NBEAL1: variants seen among roughly 807,000 people sequenced by gnomAD.
The protein encoded by NBEAL1 is neurobeachin-like protein 1.
NBEAL1 carries 273 observed loss-of-function variants against 351.3 expected under a neutral mutation model. The observed-to-expected ratio is 0.78, with a 90% CI of 0.70 to 0.86. The LOEUF (loss-of-function observed/expected upper bound fraction) is 0.86. Ranked by LOEUF, NBEAL1 falls within the 40% of genes least tolerant of loss-of-function variation. NBEAL1 has a pLI of 0.00. For synonymous variants in NBEAL1, 1,050 were observed against 1,086.4 expected, an observed-to-expected ratio of 0.97 and a Z score of 0.66; for missense variants, 2,961 against 3,201.3, an observed-to-expected ratio of 0.92 and a Z score of 1.81.
intron 7 of NBEAL1, chr2:203,074,743 AC>A (rs954736822): frequency 5.9e-6 from 1 of 170,054 alleles, no homozygotes; most frequent in African/African-American, 2.4e-5. Flanking sequence ...AGGCAGTCTA[AC>A]ATATGCCTTC....
At chr2:203,174,621 G>A (rs945462161) in intron 41 of NBEAL1, among the ~76,000 whole-genome samples, 1 of 151,850 alleles carries the variant, frequency 6.6e-6, no homozygotes, top group Non-Finnish European at 1.5e-5. Context: ...GGCTGGGTAC[G>A]GTGGCTCACA....
At chr2:203,072,846 T>C (rs1012167556) in intron 7 of NBEAL1, among the ~76,000 whole-genome samples, 17 of 152,230 alleles carry the variant, frequency 1.1e-4, no homozygotes, top group Non-Finnish European at 4.4e-5. Flanking sequence ...TTTGTTGTAG[T>C]AGCACTCTAT....
intron 35 of NBEAL1, among the ~76,000 whole-genome samples, chr2:203,155,687 A>T (rs1242651168): frequency 2.6e-5 from 4 of 152,082 alleles, no homozygotes; most frequent in African/African-American, 9.7e-5. Context: ...GGCTCAAGTG[A>T]TCCTTCCACC....
At chr2:203,068,502 C>T in intron 7 of NBEAL1, 27 bp downstream of exon 7, 1 of 1,255,280 alleles carries the variant, frequency 8.0e-7, no homozygotes, top group Non-Finnish European at 1.1e-6. Context: ...ATTTCTCTTG[C>T]TATGATTATC....
chr2:203,138,289 G>A lies in NBEAL1; in HGVS notation c.4693G>A (p.Val1565Ile). Residue 1565 changes from valine to isoleucine, a missense_variant, in exon 30 of 56, where the codon GTT (valine) becomes ATT (isoleucine). Physicochemically the swap from Val to Ile is conservative, Grantham distance 29. Coordinates refer to ENST00000683969, the MANE Select transcript of NBEAL1 (RefSeq NM_001378026.1). ...IQDFLQSEGL[V>I]NSNMWTEKLL... ...GGACTTTCTTCAGTCAGAGGGACTA[G>A]TTAATTCAAACATGTGGACCGAGAA... is the stretch of plus-strand genomic sequence containing the variant. 2.5e-6 allele frequency: 4 copies of A among 1,613,566 alleles called. No homozygotes were observed. Among genetic ancestry groups the A allele is most frequent in the Non-Finnish European group, 3.4e-6 (4 of 1,179,870 alleles).
intron 2 of NBEAL1, among the ~76,000 whole-genome samples, chr2:203,031,017 G>A (rs1486790642): frequency 6.6e-6 from 1 of 152,194 alleles, no homozygotes. Flanking sequence ...CACGGAATCT[G>A]AAAACATGGA....
chr2:203,149,213 G>A, intron 34 of NBEAL1, 65 bp downstream of exon 34: 1 of 1,203,798 alleles, frequency 8.3e-7, no homozygotes. Context: ...AAATTTTTGA[G>A]CAAATGCCCC....
At chr2:203,162,123 G>A (rs550794174) in intron 36 of NBEAL1, among the ~76,000 whole-genome samples, 53 of 148,516 alleles carry the variant, frequency 3.6e-4, no homozygotes, top group Middle Eastern at 3.5e-3. Flanking sequence ...TCCTGGGTTC[G>A]AGTGATTCTC....
At chr2:203,173,046 G>A (rs769405969) in intron 41 of NBEAL1, among the ~76,000 whole-genome samples, 193 bp downstream of exon 41, 4 of 152,018 alleles carry the variant, frequency 2.6e-5, no homozygotes, top group Non-Finnish European at 5.9e-5. Context: ...CTATACTTGT[G>A]TTGATTTCCC....
At chr2:203,039,625 C>T (rs560399231) in intron 2 of NBEAL1, among the ~76,000 whole-genome samples, 58 of 152,086 alleles carry the variant, frequency 3.8e-4, no homozygotes, top group Non-Finnish European at 5.9e-4. Flanking sequence ...AACCCCTGAC[C>T]TCAGGTGATC....
At chr2:203,020,051 T>G (rs945745050) in intron 2 of NBEAL1, among the ~76,000 whole-genome samples, 1 of 152,072 alleles carries the variant, frequency 6.6e-6, no homozygotes, top group Non-Finnish European at 1.5e-5. Flanking sequence ...TAATTTTAAT[T>G]GATAATAATT....
intron 8 of NBEAL1, among the ~76,000 whole-genome samples, chr2:203,079,553 G>A (rs1373093169): frequency 6.6e-6 from 1 of 151,840 alleles, no homozygotes; most frequent in African/African-American, 2.4e-5. Flanking sequence ...TCTATCTTAG[G>A]TCGAAAGTTT....
intron 44 of NBEAL1, among the ~76,000 whole-genome samples, chr2:203,184,910 A>G (rs2064850916): frequency 6.6e-6 from 1 of 152,012 alleles, no homozygotes; most frequent in East Asian, 1.9e-4. Flanking sequence ...AAAAAAAAAA[A>G]AAAGTTTATT....
Position 203,113,016 on chromosome 2 carries a change from C to T in NBEAL1, c.2204C>T (p.Pro735Leu). 6 of 1,433,902 alleles carry T rather than the reference C, an allele frequency of 4.2e-6. No individual in the cohort carries two copies. Among genetic ancestry groups the T allele is most frequent in the South Asian group, 1.6e-5 (1 of 63,668 alleles). 88.8% of individuals were successfully genotyped at this position (1,433,902 alleles called of 1,614,324 possible). Reference protein sequence around the residue: ...APLRFPAMNEPFTSCCIGSAG... With the variant: ...APLRFPAMNELFTSCCIGSAG... The stretch of plus-strand genomic sequence containing the variant: ...TGTAATTTGTTTGTTTGTTTTTAGC[C>T]CTTTACTTCCTGTTGCATTGGTTCA... The change falls in exon 17 of 56, where the codon CCC (proline) becomes CTC (leucine). Residue 735 changes from proline (P) to leucine (L), a missense_variant and splice_region_variant. By Grantham distance (98) the Pro-to-Leu change is moderately conservative (BLOSUM62 -3). Transcript: ENST00000683969.
chr2:203,111,764 G>A (rs2062577916), intron 15 of NBEAL1, among the ~76,000 whole-genome samples: 1 of 152,104 alleles, frequency 6.6e-6, no homozygotes, highest in African/African-American at 2.4e-5. Context: ...TGCAGAAAAG[G>A]TACTGTTACA....
chr2:203,074,446 G>C (rs2061736109), intron 7 of NBEAL1, among the ~76,000 whole-genome samples: 1 of 149,782 alleles, frequency 6.7e-6, no homozygotes, highest in African/African-American at 2.5e-5. Flanking sequence ...TAATGTCTCA[G>C]CCTCTCGAGT....
At chr2:203,140,763 G>A (rs904634671) in intron 31 of NBEAL1, among the ~76,000 whole-genome samples, 2 of 152,186 alleles carry the variant, frequency 1.3e-5, no homozygotes, top group South Asian at 4.1e-4. Context: ...CTGGCCAGGC[G>A]CAGTATCTCA....
At position 203,197,443 on chromosome 2, in the gene NBEAL1, T is replaced by G. The variant is rs917757779; in HGVS notation, c.7128+52T>G. The G allele has an allele frequency of 2.5e-6, 3 of 1,204,448 alleles. No individual in the cohort carries two copies. The African/African-American group carries it at 4.5e-5, about 18-fold the overall frequency. 74.6% of individuals were successfully genotyped at this position (1,204,448 alleles called of 1,614,324 possible). A position where few individuals can be genotyped will look rare whatever the true frequency, so the allele number is the denominator to read the frequency against. On this transcript the variant is annotated intron_variant, in intron 48 of 55. Coordinates refer to ENST00000683969, the MANE Select transcript of NBEAL1 (RefSeq NM_001378026.1). ...CTGCTATGCCTATATTCATTACAAC[T>G]TAGAAAAAAAGAGGAAATAAATATT...
At chr2:203,106,031 A>G (rs751073221) in intron 12 of NBEAL1, among the ~76,000 whole-genome samples, 35 of 152,282 alleles carry the variant, frequency 2.3e-4, no homozygotes, top group Admixed American at 3.9e-4. Flanking sequence ...TGGCCATGGA[A>G]ATTCTGCTTC....
Sources: allele counts gnomAD v4.1 joint callset (sites outside exome capture counted in the v4.1 genomes callset), GRCh38; gene constraint gnomAD v4.1.1; transcripts MANE v1.5; gene names NCBI Gene and HGNC (gene_info 2026-07-23, HGNC 2026-07-21).